The following TASP1 variants were observed in gnomAD, a reference collection of about 807,000 sequenced individuals.
TASP1 encodes the protein threonine aspartase 1.
A neutral mutation model predicts 56.6 loss-of-function variants in TASP1; 16 were observed. The ratio of observed to expected loss-of-function variants is 0.28; its 90% CI spans 0.19 to 0.43. The LOEUF is 0.43. TASP1 is among the 20% of genes least tolerant of loss of function. The pLI is 1.00. For missense variants in TASP1, 393 were observed against 511.6 expected (o/e 0.77, Z 2.24); for synonymous variants, 179 against 184.2 (o/e 0.97, Z 0.23).
the TASP1 span, among the ~76,000 whole-genome samples, chr20:13,216,238 AC>A: frequency 6.6e-6 from 1 of 152,192 alleles, no homozygotes; most frequent in South Asian, 2.1e-4. Flanking sequence ...GTTGAACTTC[AC>A]AACAGCCTGA....
rs1275482399 is a variant in TASP1, at chr20:13,614,616, C to T, written c.282+8830G>A. The T allele has an allele frequency of 1.5e-5, 4 of 269,552 alleles. No homozygotes were observed. In the Admixed American group the frequency reaches 2.0e-4, roughly 13 times the overall value. 16.7% of individuals were successfully genotyped at this position (269,552 alleles called of 1,614,324 possible). On this transcript the variant is annotated intron_variant, in intron 4 of 13. Transcript: ENST00000337743. ...TCACCTCCTTTCTATTACTAATCTG[C>T]CTAATTTACAAGGGCACATACAACA...
At chr20:13,514,540 G>A (rs2044452572) in intron 10 of TASP1, among the ~76,000 whole-genome samples, 1 of 152,234 alleles carries the variant, frequency 6.6e-6, no homozygotes. Context: ...GCTGAAGTCT[G>A]ATTCCAAAGC....
downstream of TASP1, among the ~76,000 whole-genome samples, chr20:13,388,901 T>G (rs2041183764): frequency 6.6e-6 from 1 of 152,178 alleles, no homozygotes. Context: ...GGCCATACAT[T>G]GATGTCAAGT....
intron 6 of TASP1, among the ~76,000 whole-genome samples, chr20:13,576,386 A>T (rs2046926192): frequency 6.7e-6 from 1 of 148,832 alleles, no homozygotes; most frequent in African/African-American, 2.6e-5. Flanking sequence ...AGAAAGAAAG[A>T]AAGAAAGAAA....
At chr20:13,595,803 A>G (rs2047707086) in intron 4 of TASP1, among the ~76,000 whole-genome samples, 1 of 152,186 alleles carries the variant, frequency 6.6e-6, no homozygotes, top group African/African-American at 2.4e-5. Context: ...CACTGTCAAT[A>G]TTAGACAGAT....
chr20:13,476,361 C>T (rs1370223466), intron 11 of TASP1, among the ~76,000 whole-genome samples: 1 of 152,132 alleles, frequency 6.6e-6, no homozygotes, highest in African/African-American at 2.4e-5. Context: ...TCTAGGACTA[C>T]CTTACACAAA....
the TASP1 span, among the ~76,000 whole-genome samples, chr20:13,116,233 A>C: frequency 6.6e-6 from 1 of 152,178 alleles, no homozygotes; most frequent in Non-Finnish European, 1.5e-5. Flanking sequence ...TAATACATTA[A>C]ATTTAATCTA....
chr20:13,373,047 G>T, the TASP1 span, among the ~76,000 whole-genome samples: 6 of 151,966 alleles, frequency 3.9e-5, no homozygotes, highest in Admixed American at 1.3e-4. Context: ...TAACAAAGAA[G>T]AGTAGGTATT....
At chr20:13,179,406 C>CGTGTGTGTGTGTGTGTGT in the TASP1 span, among the ~76,000 whole-genome samples, 12 of 143,404 alleles carry the variant, frequency 8.4e-5, no homozygotes, top group African/African-American at 2.1e-4. Flanking sequence ...GAATTATGTG[C>CGTGTGTGTGTGTGTGTGT]GTGTGTGTGT....
intron 13 of TASP1, chr20:13,392,951 A>G: frequency 1.6e-6 from 1 of 610,108 alleles, no homozygotes; most frequent in Non-Finnish European, 3.1e-6. Context: ...GCTGGTGCTG[A>G]GTACATTATG....
chr20:13,603,835 A>G (rs1188713625), intron 4 of TASP1, among the ~76,000 whole-genome samples: 3 of 152,142 alleles, frequency 2.0e-5, no homozygotes, highest in Non-Finnish European at 4.4e-5. Flanking sequence ...TTGGACTTCC[A>G]TGTTTATCTC....
chr20:13,548,899 A>G (rs1156752971), intron 8 of TASP1, among the ~76,000 whole-genome samples: 4 of 152,188 alleles, frequency 2.6e-5, no homozygotes, highest in Non-Finnish European at 5.9e-5. Flanking sequence ...GCAGAACCTA[A>G]GAATCTGTAG....
intron 13 of TASP1, among the ~76,000 whole-genome samples, chr20:13,397,809 C>G (rs2041597331): frequency 6.6e-6 from 1 of 152,158 alleles, no homozygotes; most frequent in Non-Finnish European, 1.5e-5. Context: ...AACTTCAACT[C>G]AATTATATTC....
At chr20:13,149,002 A>AT in the TASP1 span, among the ~76,000 whole-genome samples, 1 of 152,194 alleles carries the variant, frequency 6.6e-6, no homozygotes, top group South Asian at 2.1e-4. Context: ...TAAAACTGAG[A>AT]TTTTTAGATT....
the TASP1 span, among the ~76,000 whole-genome samples, chr20:13,383,861 G>T: frequency 1.3e-5 from 2 of 152,208 alleles, no homozygotes; most frequent in African/African-American, 4.8e-5. Context: ...AGCCATTAAG[G>T]CTTGGGGTGA....
At chr20:13,163,942 T>C in the TASP1 span, among the ~76,000 whole-genome samples, 1 of 152,254 alleles carries the variant, frequency 6.6e-6, no homozygotes, top group Non-Finnish European at 1.5e-5. Context: ...TTAGGGTACA[T>C]GTGCACAACG....
intron 7 of TASP1, among the ~76,000 whole-genome samples, chr20:13,560,748 T>C (rs1259521060): frequency 6.6e-6 from 1 of 151,912 alleles, no homozygotes; most frequent in African/African-American, 2.4e-5. Flanking sequence ...ATATACACAC[T>C]GTACAGTCCC....
intron 6 of TASP1, among the ~76,000 whole-genome samples, chr20:13,571,663 A>G (rs1008400330): frequency 1.3e-5 from 2 of 152,212 alleles, no homozygotes; most frequent in African/African-American, 4.8e-5. Context: ...AAATCCTTGT[A>G]AAATACAAGT....
At chr20:13,625,075 C>A (rs1229308637) in intron 3 of TASP1, 110 bp downstream of exon 3, 2 of 748,588 alleles carry the variant, frequency 2.7e-6, no homozygotes, top group South Asian at 3.0e-5. Context: ...ATTTTGTAGT[C>A]CAAACTGGAA....
Sources: allele counts gnomAD v4.1 joint callset (sites outside exome capture counted in the v4.1 genomes callset), GRCh38; gene constraint gnomAD v4.1.1; transcripts MANE v1.5; gene names NCBI Gene and HGNC (gene_info 2026-07-23, HGNC 2026-07-21).